The following SUSD1 variants were observed in gnomAD, a reference collection of about 807,000 sequenced individuals.
The protein encoded by SUSD1 is sushi domain-containing protein 1.
A neutral mutation model predicts 86.9 loss-of-function variants in SUSD1; 65 were observed. The ratio of observed to expected loss-of-function variants is 0.75; its 90% CI spans 0.61 to 0.92. The LOEUF is 0.92. Ranked by LOEUF, SUSD1 falls within the 40% of genes least tolerant of loss-of-function variation. The pLI is 0.00. For synonymous variants in SUSD1, 346 were observed against 350.0 expected (o/e 0.99, Z 0.13); for missense variants, 850 against 929.7 (o/e 0.91, Z 1.11).
chr9:112,114,846 C>G (rs1831245776), intron 6 of SUSD1, among the ~76,000 whole-genome samples: 2 of 152,166 alleles, frequency 1.3e-5, no homozygotes, highest in Non-Finnish European at 2.9e-5. Flanking sequence ...GAAGGGCTGT[C>G]CAACAAAGAC....
At chr9:112,076,558 C>T (rs1003332436) in intron 12 of SUSD1, among the ~76,000 whole-genome samples, 5 of 152,078 alleles carry the variant, frequency 3.3e-5, no homozygotes, top group African/African-American at 7.2e-5. Flanking sequence ...GTTTGATTTG[C>T]GTATTAGATG....
Position 112,098,481 on chromosome 9 carries a change from G to A in SUSD1, c.1463C>T (p.Thr488Ile), listed in dbSNP as rs373014679. The change falls in exon 10 of 17, where the codon ACT becomes ATT. Residue 488 changes from threonine (T) to isoleucine (I), a missense_variant. Physicochemically the swap from Thr to Ile is moderately conservative, Grantham distance 89. Transcript: ENST00000374270. ...KRHSVQITIA[T>I]PPAVKQTISN... ...ACGTCTACACCCACCTGCTGGGGGA[G>A]TTGCTATTGTTATTTGCACTGAGTG... 6 of 1,613,970 alleles carry A rather than the reference G, an allele frequency of 3.7e-6. No homozygotes were observed. The African/African-American group carries it at 8.0e-5, about 22-fold the overall frequency.
At chr9:112,077,493 A>G (rs1431453095) in intron 12 of SUSD1, among the ~76,000 whole-genome samples, 2 of 146,574 alleles carry the variant, frequency 1.4e-5, no homozygotes, top group East Asian at 2.0e-4. Flanking sequence ...CCCTGATAGT[A>G]ATCTACTTTT....
chr9:112,144,411 C>T (rs1832718872), intron 3 of SUSD1, among the ~76,000 whole-genome samples: 1 of 152,014 alleles, frequency 6.6e-6, no homozygotes, highest in Non-Finnish European at 1.5e-5. Flanking sequence ...TATATCCAAT[C>T]ACTATAAATA....
chr9:112,052,370 C>T (rs1362398274), intron 15 of SUSD1, 29 bp downstream of exon 15: 2 of 1,613,716 alleles, frequency 1.2e-6, no homozygotes, highest in Non-Finnish European at 1.7e-6. Flanking sequence ...GAAATAAGGA[C>T]AGCATTCATA....
intron 15 of SUSD1, among the ~76,000 whole-genome samples, chr9:112,042,532 T>C (rs1827787933): frequency 6.6e-6 from 1 of 152,306 alleles, no homozygotes; most frequent in South Asian, 2.1e-4. Flanking sequence ...TTGGGGACCA[T>C]CACATGCCAA....
At chr9:112,140,436 A>C (rs573077002) in intron 5 of SUSD1, among the ~76,000 whole-genome samples, 117 of 151,606 alleles carry the variant, frequency 7.7e-4, no homozygotes, top group Non-Finnish European at 8.4e-4. Flanking sequence ...GTTACTCAGG[A>C]GGCTGAGGTG....
chr9:112,105,761 A>G (rs912678050), intron 8 of SUSD1, among the ~76,000 whole-genome samples: 4 of 152,192 alleles, frequency 2.6e-5, no homozygotes, highest in Admixed American at 2.6e-4. Flanking sequence ...AGGAAAGCTC[A>G]GTGCAAAACA....
At chr9:112,062,467 G>C (rs913296979) in intron 13 of SUSD1, among the ~76,000 whole-genome samples, 3 of 152,116 alleles carry the variant, frequency 2.0e-5, no homozygotes, top group African/African-American at 7.2e-5. Flanking sequence ...GGTTGAGGCT[G>C]GTGGATCACC....
intron 1 of SUSD1, among the ~76,000 whole-genome samples, chr9:112,160,957 T>G (rs754456411): frequency 2.0e-4 from 30 of 152,182 alleles, no homozygotes; most frequent in Non-Finnish European, 2.9e-4. Flanking sequence ...CACACCAAAC[T>G]GAAGTGAGGA....
rs575983436 is a variant in SUSD1, at chr9:112,158,537, G to A, written c.104-924C>T. Among the ~76,000 whole-genome samples, 5 of 151,972 alleles carry A rather than the reference G, an allele frequency of 3.3e-5. No individual in the cohort carries two copies. The East Asian group carries it at 5.8e-4, about 18-fold the overall frequency. ...CTCCTAAGTAGCTGGGACTACAGGC[G>A]CACACCACCACACCCATCTAATTTT... On this transcript the variant is annotated intron_variant, in intron 1 of 16. Transcript: ENST00000374270.
intron 1 of SUSD1, 97 bp from the exon 2 acceptor site, chr9:112,157,710 C>T (rs1833393702): frequency 1.2e-6 from 1 of 823,536 alleles, no homozygotes; most frequent in Admixed American, 2.1e-5. Flanking sequence ...ATTTGAAGAC[C>T]AAAATAACAC....
Position 112,108,686 on chromosome 9 carries a change from G to T in SUSD1, c.1171+2968C>A, listed in dbSNP as rs560257776. 2.6e-5 allele frequency among the ~76,000 whole-genome samples: 4 copies of T among 151,246 alleles called. No homozygotes were observed. The South Asian group carries it at 6.3e-4, about 24-fold the overall frequency. ...CCAGCTACTTGGGAGGCTGAGGTGG[G>T]AGGATCACCTGAGCCCAGGAGGTCA... On this transcript the variant is annotated intron_variant, in intron 8 of 16. Coordinates refer to ENST00000374270, the MANE Select transcript of SUSD1 (RefSeq NM_022486.5).
At chr9:112,100,305 G>A (rs1412044171) in intron 9 of SUSD1, among the ~76,000 whole-genome samples, 2 of 152,026 alleles carry the variant, frequency 1.3e-5, no homozygotes, top group African/African-American at 2.4e-5. Flanking sequence ...TCCTGCCTCA[G>A]CCTCCCAAGT....
At chr9:112,154,087 C>T (rs1481240782) in intron 2 of SUSD1, among the ~76,000 whole-genome samples, 1 of 152,058 alleles carries the variant, frequency 6.6e-6, no homozygotes, top group African/African-American at 2.4e-5. Context: ...CTTATGGGCC[C>T]ACTGTTGTAT....
In SUSD1 at chr9:112,175,225, C is replaced by A; in HGVS notation, c.11G>T (p.Gly4Val). Residue 4 changes from glycine (G) to valine (V), a missense_variant, in exon 1 of 17, where the codon GGG (glycine) becomes GTG (valine). By Grantham distance (109) the Gly-to-Val change is moderately radical. Transcript: ENST00000374270. The surrounding 1 kb of genome is among the most constrained non-coding windows in gnomAD (Gnocchi z 4.7). ...GCGAGACGGGCCCGCATCCCAGGGC[C>A]CCCGGCCCATGCCGCCGCCGGTCCC... is the stretch of plus-strand genomic sequence containing the variant. MGR[G>V]PWDAGPSRRL... The A allele has an allele frequency of 8.6e-7, 1 of 1,156,348 alleles. No homozygotes were observed. The highest frequency in any genetic ancestry group is 1.1e-6 in the Non-Finnish European group (1 of 940,618). 71.6% of individuals were successfully genotyped at this position (1,156,348 alleles called of 1,614,324 possible). A position where few individuals can be genotyped will look rare whatever the true frequency, so the allele number is the denominator to read the frequency against.
chr9:112,096,076 C>T (rs1281533986), intron 10 of SUSD1, among the ~76,000 whole-genome samples: 4 of 152,122 alleles, frequency 2.6e-5, no homozygotes, highest in Admixed American at 1.3e-4. Flanking sequence ...TAAATTGACA[C>T]GTGGTAGACT....
intron 1 of SUSD1, among the ~76,000 whole-genome samples, chr9:112,172,625 C>T (rs946579215): frequency 3.9e-5 from 6 of 152,156 alleles, no homozygotes; most frequent in South Asian, 2.1e-4. Flanking sequence ...TTTCTCCTTC[C>T]GTAGAAACAT....
In SUSD1 at chr9:112,153,636, G is replaced by A. The variant is rs543762569; in HGVS notation, c.217+3864C>T. On this transcript the variant is annotated intron_variant, in intron 2 of 16. Transcript: ENST00000374270. ...ACTTTTTTTTTTTTTTTTTTGAGACGGAGTTTTGCTCTTGTCACCCAGGCT... is the reference window on the plus strand; with the variant it reads ...ACTTTTTTTTTTTTTTTTTTGAGACAGAGTTTTGCTCTTGTCACCCAGGCT... 1.1e-4 allele frequency among the ~76,000 whole-genome samples: 15 copies of A among 141,894 alleles called. No homozygotes were observed. The South Asian group carries it at 2.0e-3, about 19-fold the overall frequency. The allele number at this position is 141,894 out of a possible 152,430, so 93.1% of individuals were successfully genotyped here. A position where few individuals can be genotyped will look rare whatever the true frequency, so the allele number is the denominator to read the frequency against.
Sources: gnomAD v4.1 joint callset for allele counts (sites outside exome capture counted in the v4.1 genomes callset) on GRCh38, gnomAD v4.1.1 for gene constraint, Gnocchi (gnomAD v3.1) non-coding constraint, MANE v1.5 for transcripts, NCBI Gene and HGNC (gene_info 2026-07-23, HGNC 2026-07-21) for gene names.